The following ERICH1 variants were observed in gnomAD, a reference collection of about 807,000 sequenced individuals.
The protein encoded by ERICH1 is glutamate-rich protein 1.
In ERICH1, 56 loss-of-function variants were observed where a neutral mutation model predicts 39.6. That is an observed-to-expected ratio of 1.41 (90% confidence interval 1.14 to 1.77). ERICH1 has a LOEUF of 1.77. Among genes scored for constraint, ERICH1 ranks in the 40% most tolerant of loss-of-function variants. The pLI is 0.00. For missense variants in ERICH1, 826 were observed against 575.4 expected (o/e 1.44, Z -4.45); for synonymous variants, 313 against 223.6 (o/e 1.40, Z -3.57).
downstream of ERICH1, among the ~76,000 whole-genome samples, chr8:661,936 G>T (rs1801481807): frequency 6.6e-6 from 1 of 152,220 alleles, no homozygotes; most frequent in Admixed American, 6.5e-5. Flanking sequence ...CCCCCGCAGT[G>T]GCAGGGATTC....
rs1214458403 is a variant in ERICH1, at chr8:646,999, C to G, written c.976+21599G>C. 5.7e-5 allele frequency among the ~76,000 whole-genome samples: 4 copies of G among 69,644 alleles called. 1 individual carries two copies. The highest frequency in any genetic ancestry group is 1.4e-4 in the African/African-American group (4 of 27,618). The allele number at this position is 69,644 out of a possible 152,430, so 45.7% of individuals were successfully genotyped here. A position where few individuals can be genotyped will look rare whatever the true frequency, so the allele number is the denominator to read the frequency against. On this transcript the variant is annotated intron_variant, in intron 3 of 3. Transcript: ENST00000522706. ...AAGCCCTCCACATTCATACAGGGTC[C>G]TCATTTAATCCTTCTCAAAATCCCG...
At chr8:720,626 C>G (rs1285385827) in intron 1 of ERICH1, among the ~76,000 whole-genome samples, 1 of 152,208 alleles carries the variant, frequency 6.6e-6, no homozygotes, top group Non-Finnish European at 1.5e-5. Flanking sequence ...AAGGTCTGTA[C>G]AGTTTACAGC....
intron 3 of ERICH1, among the ~76,000 whole-genome samples, chr8:623,040 AG>A (rs1283911880): frequency 2.0e-5 from 3 of 152,198 alleles, no homozygotes; most frequent in Non-Finnish European, 2.9e-5. Context: ...CCAAAAAAAC[AG>A]AAGAGGGTTT....
At position 666,284 on chromosome 8, in the gene ERICH1, T is replaced by C. The variant is rs558049603; in HGVS notation, c.1259-1608A>G. On this transcript the variant is annotated intron_variant, in intron 5 of 5. Coordinates refer to ENST00000262109, the MANE Select transcript of ERICH1 (RefSeq NM_207332.3). ...CAAGTGTGAGAAACAGAGCAAAAAT[T>C]AAAAAAATTAAAAAGTTAAAATCGC... 2.0e-5 allele frequency: 3 copies of C among 152,260 alleles called. No individual in the cohort carries two copies. The East Asian group carries it at 5.8e-4, about 29-fold the overall frequency. 9.4% of individuals were successfully genotyped at this position (152,260 alleles called of 1,614,324 possible). A position where few individuals can be genotyped will look rare whatever the true frequency, so the allele number is the denominator to read the frequency against.
At chr8:662,744 G>C (rs567828671), downstream of ERICH1, among the ~76,000 whole-genome samples, 527 of 152,266 alleles carry the variant, frequency 3.5e-3, 6 homozygotes, top group African/African-American at 0.012. Context: ...CAAGGCCATG[G>C]AGGTTCTCGA....
Position 669,720 on chromosome 8 carries a change from T to C in ERICH1, c.1064-928A>G, listed in dbSNP as rs1358807164. Reference sequence around the variant, plus strand: ...GCAAGCTCTCTATGTCCACATCACATCGCTTAAAAAAAGAATCAGACTGTG... The same window carrying C: ...GCAAGCTCTCTATGTCCACATCACACCGCTTAAAAAAAGAATCAGACTGTG... On this transcript the variant is annotated intron_variant, in intron 4 of 5. Transcript: ENST00000262109. Among the ~76,000 whole-genome samples, 3 of 152,298 alleles carry C rather than the reference T, an allele frequency of 2.0e-5. No homozygotes were observed. The East Asian group carries it at 5.8e-4, about 29-fold the overall frequency.
At chr8:632,564 G>C (rs767136438) in intron 3 of ERICH1, among the ~76,000 whole-genome samples, 5 of 152,120 alleles carry the variant, frequency 3.3e-5, no homozygotes, top group Non-Finnish European at 7.4e-5. Flanking sequence ...CAAAAGGTAA[G>C]TATCCAGAAT....
In ERICH1 at chr8:673,347, T is replaced by C; in HGVS notation, c.1005A>G (p.Glu335=). Residue 335 remains glutamate, a synonymous_variant, in exon 4 of 6, where the codon GAA becomes GAG. Coordinates refer to ENST00000262109, the MANE Select transcript of ERICH1 (RefSeq NM_207332.3). ...ASEEDDTITN[E]KAHSILNFLK... ...AAAAATTTAGAATACTGTGTGCCTT[T>C]TCATTGGTAATTGTATCATCTTCCT... 6.2e-7 allele frequency: 1 copy of C among 1,613,942 alleles called. No homozygotes were observed. The highest frequency in any genetic ancestry group is 2.2e-5 in the East Asian group (1 of 44,884).
At chr8:681,937 C>G (rs960212491) in intron 3 of ERICH1, among the ~76,000 whole-genome samples, 1 of 152,226 alleles carries the variant, frequency 6.6e-6, no homozygotes, top group Admixed American at 6.5e-5. Context: ...TCGGTGACGT[C>G]TGATCGCCCT....
intron 1 of ERICH1, among the ~76,000 whole-genome samples, chr8:717,302 T>G (rs1816239684): frequency 6.6e-6 from 1 of 152,180 alleles, no homozygotes; most frequent in Admixed American, 6.5e-5. Flanking sequence ...AGAAGTGCAC[T>G]AGCACAGGAT....
chr8:618,949 A>G (rs1157523906), intron 3 of ERICH1, among the ~76,000 whole-genome samples: 3 of 152,196 alleles, frequency 2.0e-5, no homozygotes, highest in African/African-American at 7.2e-5. Context: ...GGTTTTAAAC[A>G]TCATTTAAAG....
rs1811746470 is a variant in ERICH1 at position 700,374 on chromosome 8, CGCACAGGCCCGCACACG to C, written c.170-7779_170-7763del. Among the ~76,000 whole-genome samples, 5 of 83,760 alleles carry C rather than the reference CGCACAGGCCCGCACACG, an allele frequency of 6.0e-5. 2 individuals carry two copies. The highest frequency in any genetic ancestry group is 2.5e-4 in the Admixed American group (2 of 8,112). The allele number at this position is 83,760 out of a possible 152,430, so 54.9% of individuals were successfully genotyped here. On this transcript the variant is annotated intron_variant, in intron 2 of 5. Transcript: ENST00000262109. ...GCACACGCGCACAGGCCCGCACAGGCGCACAGGCCCGCACACGCGCACAGGCCCGCACAGGCGCACAG... is the reference window on the plus strand; with the variant it reads ...GCACACGCGCACAGGCCCGCACAGGCCGCACAGGCCCGCACAGGCGCACAG...
intron 3 of ERICH1, among the ~76,000 whole-genome samples, chr8:676,931 T>G (rs1204555953): frequency 6.6e-6 from 1 of 152,198 alleles, no homozygotes; most frequent in Non-Finnish European, 1.5e-5. Context: ...TAAGGGCAGA[T>G]TCCCTATCAT....
At chr8:689,165 G>A (rs1808349380) in intron 3 of ERICH1, among the ~76,000 whole-genome samples, 1 of 152,154 alleles carries the variant, frequency 6.6e-6, no homozygotes, top group Non-Finnish European at 1.5e-5. Context: ...AGGCTGGAGT[G>A]CAGTGGTATG....
At chr8:633,205 T>C (rs548173486) in intron 3 of ERICH1, among the ~76,000 whole-genome samples, 67 of 152,294 alleles carry the variant, frequency 4.4e-4, no homozygotes, top group African/African-American at 1.5e-3. Flanking sequence ...GCACACCCTA[T>C]GGCCTGGCGA....
intron 3 of ERICH1, chr8:616,384 G>A: frequency 2.8e-6 from 1 of 361,492 alleles, no homozygotes; most frequent in Non-Finnish European, 5.5e-6. Flanking sequence ...CCGCCGTCCA[G>A]AGAGAAACTC....
chr8:702,229 C>T (rs1585484392), intron 2 of ERICH1, among the ~76,000 whole-genome samples: 1 of 152,240 alleles, frequency 6.6e-6, no homozygotes, highest in Non-Finnish European at 1.5e-5. Context: ...AAAGGCTGTC[C>T]AGTTTTGTTA....
intron 3 of ERICH1, chr8:615,412 C>G (rs763739788): frequency 1.8e-6 from 1 of 556,940 alleles, no homozygotes; most frequent in Non-Finnish European, 3.1e-6. Flanking sequence ...GCCCTGCTTT[C>G]CTCAGTCATA....
At chr8:621,654 A>T (rs77534592) in intron 3 of ERICH1, among the ~76,000 whole-genome samples, 159 of 152,274 alleles carry the variant, frequency 1.0e-3, no homozygotes, top group African/African-American at 3.7e-3. Flanking sequence ...AACAAGACCA[A>T]TGGTTAGTTC....
Sources: allele counts gnomAD v4.1 joint callset (sites outside exome capture counted in the v4.1 genomes callset), GRCh38; gene constraint gnomAD v4.1.1; transcripts MANE v1.5; gene names NCBI Gene and HGNC (gene_info 2026-07-23, HGNC 2026-07-21).